KLF13: variants seen among roughly 807,000 people sequenced by gnomAD.
The protein encoded by KLF13 is Krueppel-like factor 13.
Under a neutral mutation model 16.7 loss-of-function variants are expected in KLF13, and 8 were observed. That is an observed-to-expected ratio of 0.48 (90% confidence interval 0.28 to 0.87). The LOEUF is 0.87. Among genes scored for constraint, KLF13 ranks in the 40% least tolerant of loss-of-function variants. The pLI, the probability that KLF13 is intolerant of heterozygous loss-of-function variation, is 0.10. For missense variants in KLF13, 447 were observed against 452.2 expected, an observed-to-expected ratio of 0.99 and a Z score of 0.10; for synonymous variants, 245 against 208.4, an observed-to-expected ratio of 1.18 and a Z score of -1.51.
intron 1 of KLF13, among the ~76,000 whole-genome samples, chr15:31,365,904 C>T (rs1283864199): frequency 1.3e-5 from 2 of 152,144 alleles, no homozygotes; most frequent in Non-Finnish European, 2.9e-5. Flanking sequence ...CCGGCTGGCT[C>T]TCTGAGAGAA....
At chr15:31,396,635 T>C (rs1394341741) in intron 2 of KLF13, among the ~76,000 whole-genome samples, 4 of 152,214 alleles carry the variant, frequency 2.6e-5, no homozygotes, top group African/African-American at 9.6e-5. Context: ...AGCTGATCCA[T>C]GGAGTACAGG....
chr15:31,420,695 CTTT>C (rs1165661443), intron 1 of KLF13: 869 of 263,248 alleles, frequency 3.3e-3, no homozygotes, highest in South Asian at 6.0e-3. Context: ...TTTTTTCTTT[CTTT>C]TTTTTTTTTT....
At chr15:31,409,416 T>C (rs963524737), downstream of KLF13, among the ~76,000 whole-genome samples, 2 of 151,658 alleles carry the variant, frequency 1.3e-5, no homozygotes, top group African/African-American at 4.9e-5. Flanking sequence ...GGGGAAGAAA[T>C]ATTTGAGAAA....
At chr15:31,402,133 G>A (rs529941372) in intron 2 of KLF13, among the ~76,000 whole-genome samples, 2 of 152,208 alleles carry the variant, frequency 1.3e-5, no homozygotes, top group African/African-American at 2.4e-5. Flanking sequence ...ACCTCTGATC[G>A]AGGCTGTCAG....
intron 1 of KLF13, among the ~76,000 whole-genome samples, chr15:31,331,556 G>C (rs555073167): frequency 6.6e-6 from 1 of 152,192 alleles, no homozygotes; most frequent in Non-Finnish European, 1.5e-5. Flanking sequence ...AGGGCATCTG[G>C]CAGAGCAGAG....
chr15:31,423,164 T>TATATGTATACGTATATATATATAC (rs371896440), intron 1 of KLF13, among the ~76,000 whole-genome samples: 1 of 25,356 alleles, frequency 3.9e-5, no homozygotes, highest in Non-Finnish European at 6.4e-5. Flanking sequence ...CGTATATATA[T>TATATGTATACGTATATATATATAC]GTATATATAT....
exon 3 of KLF13, chr15:31,403,495 A>T (rs1169627792): frequency 6.6e-6 from 1 of 152,182 alleles, no homozygotes; most frequent in African/African-American, 2.4e-5. Context: ...AACTACTTCT[A>T]TCCCAGGAAG....
chr15:31,362,764 A>T (rs967955113), intron 1 of KLF13, among the ~76,000 whole-genome samples: 1 of 151,752 alleles, frequency 6.6e-6, no homozygotes, highest in African/African-American at 2.4e-5. Flanking sequence ...TTTCCTAGGG[A>T]CCCTCTCTCT....
intron 1 of KLF13, among the ~76,000 whole-genome samples, chr15:31,387,702 T>G (rs1363162860): frequency 6.6e-6 from 1 of 152,264 alleles, no homozygotes; most frequent in Non-Finnish European, 1.5e-5. Context: ...TTTGACAGTC[T>G]GTGACATGGT....
In KLF13 at chr15:31,354,573, G is replaced by A. The variant is rs1036128688; in HGVS notation, c.578-17437G>A. Among the ~76,000 whole-genome samples the A allele has an allele frequency of 2.6e-5, 4 of 152,086 alleles. No individual in the cohort carries two copies. In the East Asian group the frequency reaches 5.8e-4, roughly 22 times the overall value. On this transcript the variant is annotated intron_variant, in intron 1 of 1. Transcript: ENST00000307145. Reference sequence around the variant, plus strand: ...TTTTTTGTATTTTTAGTAGAGATGGGGTTTCACCGAAATGTTGGCCGGGCT... The same window carrying A: ...TTTTTTGTATTTTTAGTAGAGATGGAGTTTCACCGAAATGTTGGCCGGGCT...
At chr15:31,369,254 G>A (rs977516544) in intron 1 of KLF13, among the ~76,000 whole-genome samples, 3 of 152,176 alleles carry the variant, frequency 2.0e-5, no homozygotes, top group Non-Finnish European at 4.4e-5. Context: ...TATGGCCTTT[G>A]TTTATAGGAT....
chr15:31,404,742 C>G (rs1253357797), downstream of KLF13: 1 of 152,262 alleles, frequency 6.6e-6, no homozygotes, highest in Non-Finnish European at 1.5e-5. Context: ...TCTTTGGGTC[C>G]GTGCCACCTT....
downstream of KLF13, among the ~76,000 whole-genome samples, chr15:31,408,903 C>T (rs2040159518): frequency 6.6e-6 from 1 of 152,058 alleles, no homozygotes; most frequent in Non-Finnish European, 1.5e-5. Context: ...TTGACTGGCT[C>T]ATCAGTAGAC....
downstream of KLF13, among the ~76,000 whole-genome samples, chr15:31,406,917 G>T (rs142205588): frequency 9.5e-3 from 1,443 of 152,142 alleles, 11 homozygotes; most frequent in Non-Finnish European, 0.014. Context: ...CCTCTTATGA[G>T]GACTCTTGTG....
intron 1 of KLF13, chr15:31,420,005 C>A: frequency 6.6e-6 from 2 of 304,394 alleles, no homozygotes; most frequent in Non-Finnish European, 1.3e-5. Context: ...TCAGCAGAAA[C>A]ATTATAGGCT....
chr15:31,336,190 G>A (rs139280734), intron 1 of KLF13, among the ~76,000 whole-genome samples: 6 of 152,374 alleles, frequency 3.9e-5, no homozygotes, highest in Non-Finnish European at 7.3e-5. Context: ...TTGGAGCACT[G>A]GCAGCTAATG....
intron 1 of KLF13, among the ~76,000 whole-genome samples, chr15:31,435,065 T>C (rs961440428): frequency 3.2e-4 from 48 of 152,218 alleles, no homozygotes; most frequent in African/African-American, 1.1e-3. Flanking sequence ...GGCCACTTCC[T>C]TCCTGTGTAT....
At chr15:31,368,553 G>A (rs1425005862) in intron 1 of KLF13, among the ~76,000 whole-genome samples, 1 of 152,104 alleles carries the variant, frequency 6.6e-6, no homozygotes, top group African/African-American at 2.4e-5. Context: ...CAAATACATA[G>A]GATTTTTTTA....
chr15:31,350,875 G>A (rs1368566407), intron 1 of KLF13, among the ~76,000 whole-genome samples: 1 of 152,248 alleles, frequency 6.6e-6, no homozygotes, highest in African/African-American at 2.4e-5. Context: ...GCGCCTTCTG[G>A]GCAGCAGCAG....
Sources: allele counts gnomAD v4.1 joint callset (sites outside exome capture counted in the v4.1 genomes callset), GRCh38; gene constraint gnomAD v4.1.1; transcripts MANE v1.5; gene names NCBI Gene and HGNC (gene_info 2026-07-23, HGNC 2026-07-21).